The following DOK6 variants were observed in gnomAD, a reference collection of about 807,000 sequenced individuals.
DOK6 encodes downstream of tyrosine kinase 6.
In DOK6, 22 loss-of-function variants were observed where a neutral mutation model predicts 44.0. That is an observed-to-expected ratio of 0.50 (90% CI 0.36 to 0.71). The LOEUF (loss-of-function observed/expected upper bound fraction) is 0.71, where lower values mean the gene tolerates loss of function less well. Ranked by LOEUF, DOK6 falls within the 30% of genes least tolerant of loss-of-function variation. The probability of loss-of-function intolerance (pLI) is 0.00; values close to 1 mark genes in which losing one functional copy is unlikely to be tolerated. For missense variants in DOK6, 340 were observed against 416.4 expected (o/e 0.82, Z 1.60); for synonymous variants, 166 against 145.5 (o/e 1.14, Z -1.01).
At chr18:69,601,459 T>G (rs555877702) in intron 3 of DOK6, among the ~76,000 whole-genome samples, 7 of 152,316 alleles carry the variant, frequency 4.6e-5, no homozygotes, top group African/African-American at 1.7e-4. Context: ...AGTACTTGTG[T>G]TTATATACTA....
intron 1 of DOK6, among the ~76,000 whole-genome samples, chr18:69,472,555 C>A (rs73466902): frequency 0.011 from 1,668 of 152,302 alleles, 36 homozygotes; most frequent in African/African-American, 0.039. Context: ...GGCCCCACTC[C>A]TCCCTAGTGC....
At chr18:69,507,830 G>T (rs1256881732) in intron 1 of DOK6, among the ~76,000 whole-genome samples, 1 of 152,014 alleles carries the variant, frequency 6.6e-6, no homozygotes, top group Non-Finnish European at 1.5e-5. Context: ...AGTCTTTCCA[G>T]TCATTATGCC....
At chr18:69,563,254 G>A (rs991950000) in intron 1 of DOK6, among the ~76,000 whole-genome samples, 8 of 152,106 alleles carry the variant, frequency 5.3e-5, no homozygotes, top group African/African-American at 1.9e-4. Flanking sequence ...GATTCCTCAG[G>A]GATCTAGAAC....
chr18:69,811,644 A>C (rs1449957360), intron 7 of DOK6, among the ~76,000 whole-genome samples: 1 of 150,284 alleles, frequency 6.7e-6, no homozygotes, highest in East Asian at 2.0e-4. Flanking sequence ...TTAACTTTTA[A>C]AAAGATATGT....
intron 7 of DOK6, among the ~76,000 whole-genome samples, chr18:69,759,201 AAG>A (rs2144755839): frequency 6.6e-6 from 1 of 152,312 alleles, no homozygotes; most frequent in East Asian, 1.9e-4. Flanking sequence ...AAGAATCGGA[AAG>A]AGAAGACGAG....
chr18:69,723,098 C>T (rs745372002), intron 5 of DOK6, among the ~76,000 whole-genome samples: 15 of 151,984 alleles, frequency 9.9e-5, no homozygotes, highest in South Asian at 2.1e-4. Flanking sequence ...TTAAATATGC[C>T]GAAAGCTGAC....
chr18:69,632,215 A>G (rs1319425667), intron 3 of DOK6, among the ~76,000 whole-genome samples: 2 of 152,204 alleles, frequency 1.3e-5, no homozygotes, highest in South Asian at 2.1e-4. Flanking sequence ...ATATTGGCTC[A>G]GCAAATAGAC....
At chr18:69,580,970 A>G (rs1169194123) in intron 2 of DOK6, among the ~76,000 whole-genome samples, 2 of 152,144 alleles carry the variant, frequency 1.3e-5, no homozygotes, top group Non-Finnish European at 2.9e-5. Flanking sequence ...ATCTCCTCCA[A>G]ACTCATCCAT....
chr18:69,764,025 C>T (rs777400114), intron 7 of DOK6, among the ~76,000 whole-genome samples: 2 of 152,114 alleles, frequency 1.3e-5, no homozygotes, highest in African/African-American at 2.4e-5. Flanking sequence ...CATGCTCTTG[C>T]GCAAGGTGAG....
intron 2 of DOK6, among the ~76,000 whole-genome samples, chr18:69,581,804 A>G (rs1016878802): frequency 1.8e-4 from 28 of 152,238 alleles, no homozygotes; most frequent in African/African-American, 6.0e-4. Flanking sequence ...GAAGCTATCA[A>G]TAGGGCTTTA....
intron 3 of DOK6, among the ~76,000 whole-genome samples, chr18:69,626,308 A>T (rs982572485): frequency 2.0e-5 from 3 of 152,188 alleles, no homozygotes; most frequent in African/African-American, 7.2e-5. Flanking sequence ...TTTCATGAGA[A>T]TATTCCCACA....
intron 2 of DOK6, among the ~76,000 whole-genome samples, chr18:69,598,622 T>G (rs1414353635): frequency 6.6e-6 from 1 of 152,176 alleles, no homozygotes; most frequent in Non-Finnish European, 1.5e-5. Context: ...ATATTATTAT[T>G]GCAATGTTGT....
At chr18:69,403,669 A>T (rs1916144891) in intron 1 of DOK6, among the ~76,000 whole-genome samples, 1 of 152,164 alleles carries the variant, frequency 6.6e-6, no homozygotes, top group South Asian at 2.1e-4. Context: ...TTTAAGTCAG[A>T]TACTTTTCTA....
chr18:69,777,072 G>A (rs561754603), intron 7 of DOK6, among the ~76,000 whole-genome samples: 1 of 151,164 alleles, frequency 6.6e-6, no homozygotes. Context: ...CAGCACACCA[G>A]CATGGCACAT....
intron 7 of DOK6, among the ~76,000 whole-genome samples, chr18:69,763,039 C>A (rs1979612786): frequency 6.6e-6 from 1 of 152,190 alleles, no homozygotes; most frequent in South Asian, 2.1e-4. Context: ...ATCTCCAATA[C>A]AATCTGCCTC....
At chr18:69,650,419 C>G (rs904061040) in intron 3 of DOK6, among the ~76,000 whole-genome samples, 3 of 152,118 alleles carry the variant, frequency 2.0e-5, no homozygotes, top group African/African-American at 7.2e-5. Context: ...TAGACATCTT[C>G]CCTATCACAT....
chr18:69,712,610 T>C (rs1402382868), intron 5 of DOK6, among the ~76,000 whole-genome samples: 1 of 152,108 alleles, frequency 6.6e-6, no homozygotes, highest in African/African-American at 2.4e-5. Flanking sequence ...TTTGGGAGGC[T>C]GAGGCAGGCA....
intron 6 of DOK6, among the ~76,000 whole-genome samples, chr18:69,748,778 T>C (rs925037856): frequency 6.6e-6 from 1 of 152,122 alleles, no homozygotes; most frequent in Admixed American, 6.6e-5. Context: ...ACCAGAAATA[T>C]CATTTCACCA....
intron 3 of DOK6, among the ~76,000 whole-genome samples, chr18:69,669,620 A>T (rs192027472): frequency 3.8e-4 from 57 of 151,994 alleles, no homozygotes; most frequent in Admixed American, 2.8e-3. Context: ...TTACTGGTGG[A>T]TCTAATCTTT....
Sources: gnomAD v4.1 joint callset for allele counts (sites outside exome capture counted in the v4.1 genomes callset) on GRCh38, gnomAD v4.1.1 for gene constraint, MANE v1.5 for transcripts, NCBI Gene and HGNC (gene_info 2026-07-23, HGNC 2026-07-21) for gene names.